Variants in ABCG1 observed in about 807,000 individuals in gnomAD.
ABCG1 encodes ATP-binding cassette sub-family G member 1.
ABCG1 carries 29 observed loss-of-function variants against 69.2 expected under a neutral mutation model. The ratio of observed to expected loss-of-function variants is 0.42; its 90% CI spans 0.31 to 0.57. The LOEUF (loss-of-function observed/expected upper bound fraction) is 0.57, where lower values mean the gene tolerates loss of function less well. Ranked by LOEUF, ABCG1 falls within the 20% of genes least tolerant of loss-of-function variation. The probability of loss-of-function intolerance (pLI) is 0.15; values close to 1 mark genes in which losing one functional copy is unlikely to be tolerated. For missense variants in ABCG1, 718 were observed against 898.1 expected (o/e 0.80, Z 2.56); for synonymous variants, 370 against 374.8 (o/e 0.99, Z 0.15).
At position 42,273,192 on chromosome 21, in the gene ABCG1, TG is replaced by T; in HGVS notation, c.405-108del. 1 of 1,462,556 alleles carries T rather than the reference TG, an allele frequency of 6.8e-7. No individual in the cohort carries two copies. Among genetic ancestry groups the T allele is most frequent in the Non-Finnish European group, 9.2e-7 (1 of 1,091,402 alleles). 90.6% of individuals were successfully genotyped at this position (1,462,556 alleles called of 1,614,324 possible). On this transcript the variant is annotated intron_variant, in intron 3 of 14. Transcript: ENST00000398449. The surrounding 1 kb of genome is among the most constrained non-coding windows in gnomAD (Gnocchi z 5.3). The stretch of plus-strand genomic sequence containing the variant: ...GGGTCCCCGTGGCCAGTGGTTCAGC[TG>T]GGAAGATGCTGGGAGGCAAGCCCCC...
At chr21:42,240,171 G>A (rs1361475092) in intron 2 of ABCG1, among the ~76,000 whole-genome samples, 1 of 152,206 alleles carries the variant, frequency 6.6e-6, no homozygotes, top group Non-Finnish European at 1.5e-5. Context: ...CCAGACCACG[G>A]TGCCTGCCAC....
At chr21:42,268,121 G>A (rs2068547219) in intron 2 of ABCG1, among the ~76,000 whole-genome samples, 1 of 152,138 alleles carries the variant, frequency 6.6e-6, no homozygotes, top group Admixed American at 6.5e-5. Context: ...TGTTATCCTG[G>A]GCACTCACTA....
At chr21:42,262,918 C>G (rs893125992) in intron 2 of ABCG1, among the ~76,000 whole-genome samples, 1 of 152,216 alleles carries the variant, frequency 6.6e-6, no homozygotes, top group Non-Finnish European at 1.5e-5. Context: ...TGGTGAGGCC[C>G]GTTCTGTGAC....
rs771765054 is a variant in ABCG1, at chr21:42,288,250, A to G, written c.1162A>G (p.Ser388Gly). 11 of 1,614,216 alleles carry G rather than the reference A, an allele frequency of 6.8e-6. No individual in the cohort carries two copies. Among genetic ancestry groups the G allele is most frequent in the Non-Finnish European group, 8.5e-6 (10 of 1,180,038 alleles). ...SMEGCHSFSA[S>G]CLTQFCILFK... ...GGAAGGCTGCCACAGCTTCTCTGCC[A>G]GCTGCCTCACGCAGTTCTGCATCCT... The change falls in exon 10 of 15, where the codon AGC (serine) becomes GGC (glycine). Residue 388 changes from serine (S) to glycine (G), a missense_variant. Ser to Gly is a moderately conservative substitution (Grantham distance 56, BLOSUM62 0). Transcript: ENST00000398449. The surrounding 1 kb of genome is among the most constrained non-coding windows in gnomAD (Gnocchi z 4.8).
intron 2 of ABCG1, 51 bp downstream of exon 2, chr21:42,225,965 A>G (rs763647357): frequency 6.3e-7 from 1 of 1,587,834 alleles, no homozygotes; most frequent in Non-Finnish European, 8.6e-7. Flanking sequence ...CCTCTGAAGG[A>G]GGCAACAGGT....
At chr21:42,282,464 C>T in intron 6 of ABCG1, 45 bp downstream of exon 6, 1 of 1,575,100 alleles carries the variant, frequency 6.3e-7, no homozygotes, top group East Asian at 2.3e-5. Context: ...CAGGAAGAAC[C>T]CCCTGTATTC....
intron 2 of ABCG1, among the ~76,000 whole-genome samples, chr21:42,243,455 T>TGC (rs1569215750): frequency 1.4e-5 from 2 of 145,640 alleles, no homozygotes; most frequent in African/African-American, 2.6e-5. Flanking sequence ...CGCGTGTGTG[T>TGC]GTGTGTGTGT....
At chr21:42,255,230 C>T (rs1247705269) in intron 2 of ABCG1, among the ~76,000 whole-genome samples, 1 of 152,192 alleles carries the variant, frequency 6.6e-6, no homozygotes, top group African/African-American at 2.4e-5. Flanking sequence ...ACTAGTCAGC[C>T]AGTGGGGCGC....
chr21:42,284,621 G>A lies in ABCG1; in HGVS notation c.796G>A (p.Gly266Ser), dbSNP rs1381788181. Residue 266 changes from glycine to serine, a missense_variant, in exon 7 of 15, where the codon GGT becomes AGT. Around this residue, in one of 2 missense-constraint regions of ABCG1, gnomAD observed 514 missense variants for 574.3 expected, o/e 0.90. Transcript: ENST00000398449. Reference protein sequence around the residue: ...VSLMKGLAQGGRSIICTIHQP... With the variant: ...VSLMKGLAQGSRSIICTIHQP... ...GCTGATGAAAGGGCTCGCTCAAGGG[G>A]GTCGCTCCATCATTTGCACCATCCA... 11 of 1,613,876 alleles carry A rather than the reference G, an allele frequency of 6.8e-6. No homozygotes were observed. The highest frequency in any genetic ancestry group is 9.3e-6 in the Non-Finnish European group (11 of 1,180,038).
intron 14 of ABCG1, 62 bp downstream of exon 14, chr21:42,294,722 A>G: frequency 6.7e-7 from 1 of 1,486,570 alleles, no homozygotes; most frequent in Non-Finnish European, 9.4e-7. Context: ...AACCGTCTCC[A>G]ACAGCGTGAG....
chr21:42,270,108 A>G (rs1208341246), intron 2 of ABCG1, among the ~76,000 whole-genome samples: 2 of 152,060 alleles, frequency 1.3e-5, no homozygotes. Flanking sequence ...AAAATACAAA[A>G]AATTAGCCAG....
intron 2 of ABCG1, among the ~76,000 whole-genome samples, chr21:42,260,924 C>T (rs1171020140): frequency 2.0e-5 from 3 of 152,192 alleles, no homozygotes; most frequent in South Asian, 2.1e-4. Context: ...CTCGTTCAAG[C>T]GATTCTCCTG....
chr21:42,215,111 G>C (rs1479000251), upstream of ABCG1, among the ~76,000 whole-genome samples: 1 of 152,206 alleles, frequency 6.6e-6, no homozygotes, highest in East Asian at 1.9e-4. Flanking sequence ...GATCTGCAGG[G>C]GAACCAGGGA....
intron 2 of ABCG1, among the ~76,000 whole-genome samples, chr21:42,230,442 C>G (rs1468099951): frequency 1.3e-5 from 2 of 152,256 alleles, no homozygotes; most frequent in Non-Finnish European, 2.9e-5. Context: ...TGCTGTCACA[C>G]AAACTGCGCT....
exon 2 of ABCG1, chr21:42,201,652 A>G: frequency 6.2e-7 from 1 of 1,604,118 alleles, no homozygotes; most frequent in Non-Finnish European, 8.5e-7. Flanking sequence ...GGGATCACCG[A>G]CTCTGTGCCA....
At chr21:42,201,627 G>A in exon 2 of ABCG1, 1 of 1,582,126 alleles carries the variant, frequency 6.3e-7, no homozygotes, top group Non-Finnish European at 8.6e-7. Flanking sequence ...TCAGCCCCGT[G>A]CTCAGCAGAC....
intron 1 of ABCG1, among the ~76,000 whole-genome samples, chr21:42,224,250 G>A (rs2067777626): frequency 6.6e-6 from 1 of 152,140 alleles, no homozygotes; most frequent in Non-Finnish European, 1.5e-5. Context: ...ATCAAAGTGA[G>A]CTCTAAACAC....
At position 42,287,626 on chromosome 21, in the gene ABCG1, C is replaced by T. The variant is rs2068967269; in HGVS notation, c.974-263C>T. On this transcript the variant is annotated intron_variant, in intron 8 of 14. Coordinates refer to ENST00000398449, the MANE Select transcript of ABCG1 (RefSeq NM_016818.3). The surrounding 1 kb of genome is among the most constrained non-coding windows in gnomAD (Gnocchi z 6.2). ...CGGCTGGATGAGCAGTCGGTAGATG[C>T]AGGAGCTCATTACTTCTCAGACCAC... 1.3e-5 allele frequency among the ~76,000 whole-genome samples: 2 copies of T among 152,186 alleles called. No homozygotes were observed. Among genetic ancestry groups the T allele is most frequent in the Non-Finnish European group, 2.9e-5 (2 of 68,024 alleles).
At chr21:42,222,819 T>C (rs958049179) in intron 1 of ABCG1, among the ~76,000 whole-genome samples, 1 of 152,234 alleles carries the variant, frequency 6.6e-6, no homozygotes, top group African/African-American at 2.4e-5. Flanking sequence ...GCCATTATTA[T>C]TTAATACTTT....
Sources: gnomAD v4.1 joint callset for allele counts (sites outside exome capture counted in the v4.1 genomes callset) on GRCh38, gnomAD v4.1.1 for gene constraint, gnomAD v4.1.1 regional missense constraint, Gnocchi (gnomAD v3.1) non-coding constraint, MANE v1.5 for transcripts, NCBI Gene and HGNC (gene_info 2026-07-23, HGNC 2026-07-21) for gene names.